The following PDGFC variants were observed in gnomAD, a reference collection of about 807,000 sequenced individuals.
PDGFC encodes the protein platelet derived growth factor C, also known as platelet-derived growth factor C.
A neutral mutation model predicts 35.5 loss-of-function variants in PDGFC; 12 were observed. The ratio of observed to expected loss-of-function variants is 0.34; its 90% CI spans 0.22 to 0.55. The LOEUF is 0.55. Ranked by LOEUF, PDGFC falls within the 20% of genes least tolerant of loss-of-function variation. PDGFC has a pLI of 0.91. For missense variants in PDGFC, 322 were observed against 412.4 expected (o/e 0.78, Z 1.90); for synonymous variants, 159 against 148.8 (o/e 1.07, Z -0.50).
chr4:156,800,440 T>C (rs1731569911), intron 3 of PDGFC, among the ~76,000 whole-genome samples: 1 of 152,128 alleles, frequency 6.6e-6, no homozygotes, highest in African/African-American at 2.4e-5. Context: ...ATTAAGTAAA[T>C]AAAAATACAA....
chr4:156,886,361 C>T (rs1730375847), intron 1 of PDGFC, among the ~76,000 whole-genome samples: 1 of 152,054 alleles, frequency 6.6e-6, no homozygotes. Context: ...CTACTTCATC[C>T]CAAAAGATTT....
At chr4:156,840,981 A>C (rs906404575) in intron 2 of PDGFC, among the ~76,000 whole-genome samples, 2 of 152,102 alleles carry the variant, frequency 1.3e-5, no homozygotes, top group Non-Finnish European at 2.9e-5. Context: ...GGAAGTAACT[A>C]ACTTGCTTTT....
intron 4 of PDGFC, among the ~76,000 whole-genome samples, chr4:156,771,022 T>C (rs1189986216): frequency 2.6e-5 from 4 of 152,198 alleles, no homozygotes; most frequent in Admixed American, 2.0e-4. Flanking sequence ...ACTTGTATTT[T>C]AGTTTATGTA....
intron 2 of PDGFC, among the ~76,000 whole-genome samples, chr4:156,831,727 C>T (rs1383324274): frequency 1.3e-5 from 2 of 151,812 alleles, no homozygotes; most frequent in Non-Finnish European, 2.9e-5. Flanking sequence ...CAGGTGTGAG[C>T]TACCACACCC....
At chr4:156,923,613 T>C (rs918135936) in intron 1 of PDGFC, among the ~76,000 whole-genome samples, 1 of 152,212 alleles carries the variant, frequency 6.6e-6, no homozygotes, top group Non-Finnish European at 1.5e-5. Flanking sequence ...AAAGCAAATA[T>C]TCTTTTTCTA....
intron 1 of PDGFC, among the ~76,000 whole-genome samples, chr4:156,897,916 TG>T (rs1188260172): frequency 6.6e-6 from 1 of 152,236 alleles, no homozygotes; most frequent in Admixed American, 6.5e-5. Context: ...GCTGTCCGTC[TG>T]CATGAGATGG....
At chr4:156,922,975 A>G (rs1212775186) in intron 1 of PDGFC, among the ~76,000 whole-genome samples, 1 of 152,022 alleles carries the variant, frequency 6.6e-6, no homozygotes, top group Admixed American at 6.6e-5. Context: ...TTCCAAATTG[A>G]CCCTTTACTC....
intron 1 of PDGFC, among the ~76,000 whole-genome samples, chr4:156,928,121 G>T (rs1012327085): frequency 1.3e-5 from 2 of 152,252 alleles, no homozygotes; most frequent in African/African-American, 2.4e-5. Context: ...CCGCCCCCAT[G>T]ATTTAAATTA....
intron 3 of PDGFC, among the ~76,000 whole-genome samples, chr4:156,806,011 C>T (rs1731746024): frequency 6.6e-6 from 1 of 152,044 alleles, no homozygotes; most frequent in South Asian, 2.1e-4. Context: ...GAAAAACACA[C>T]AGTGGGGGTT....
intron 1 of PDGFC, among the ~76,000 whole-genome samples, chr4:156,935,672 T>C (rs892213607): frequency 1.3e-5 from 2 of 152,142 alleles, no homozygotes; most frequent in Admixed American, 1.3e-4. Context: ...GAAACACACA[T>C]AAAATAAGGT....
chr4:156,790,071 G>T (rs1731252720), intron 3 of PDGFC, among the ~76,000 whole-genome samples: 1 of 151,684 alleles, frequency 6.6e-6, no homozygotes, highest in African/African-American at 2.4e-5. Context: ...CTGGGCACAG[G>T]CCCTGGATTC....
intron 1 of PDGFC, among the ~76,000 whole-genome samples, chr4:156,963,699 C>A (rs2110978028): frequency 6.6e-6 from 1 of 152,174 alleles, no homozygotes; most frequent in South Asian, 2.1e-4. Context: ...CACATGAATT[C>A]TAACGAGAAA....
At chr4:156,894,027 G>A (rs2111201712) in intron 1 of PDGFC, among the ~76,000 whole-genome samples, 1 of 152,168 alleles carries the variant, frequency 6.6e-6, no homozygotes, top group Non-Finnish European at 1.5e-5. Flanking sequence ...CATCTTCCAA[G>A]GTGACTGATA....
intron 4 of PDGFC, among the ~76,000 whole-genome samples, chr4:156,771,545 G>C (rs1445276101): frequency 6.6e-6 from 1 of 152,104 alleles, no homozygotes; most frequent in Non-Finnish European, 1.5e-5. Flanking sequence ...CCAGGCACTT[G>C]AACACTGATT....
At chr4:156,859,034 C>T (rs749848850) in intron 1 of PDGFC, among the ~76,000 whole-genome samples, 36 of 151,818 alleles carry the variant, frequency 2.4e-4, no homozygotes, top group Non-Finnish European at 4.1e-4. Context: ...AAAGTAACAA[C>T]AAAAAGATAA....
chr4:156,937,912 A>G (rs975426435), intron 1 of PDGFC, among the ~76,000 whole-genome samples: 1 of 152,166 alleles, frequency 6.6e-6, no homozygotes, highest in African/African-American at 2.4e-5. Context: ...TAATGAAGAA[A>G]TTACAGAGAA....
chr4:156,829,776 C>A (rs1182664808), intron 2 of PDGFC, among the ~76,000 whole-genome samples: 3 of 151,990 alleles, frequency 2.0e-5, no homozygotes, highest in Admixed American at 2.0e-4. Context: ...ATTATTATCT[C>A]GTGAGTTATA....
chr4:156,825,377 C>T (rs981673333), intron 2 of PDGFC, among the ~76,000 whole-genome samples: 4 of 133,214 alleles, frequency 3.0e-5, no homozygotes, highest in Non-Finnish European at 6.2e-5. Context: ...GGTGAAACCC[C>T]GTTTCTACCA....
At chr4:156,905,254 C>T (rs1371093115) in intron 1 of PDGFC, among the ~76,000 whole-genome samples, 2 of 152,024 alleles carry the variant, frequency 1.3e-5, no homozygotes, top group Non-Finnish European at 2.9e-5. Flanking sequence ...AATCTGAGAG[C>T]ACCTACTGAA....
Sources: gnomAD v4.1 joint callset for allele counts (sites outside exome capture counted in the v4.1 genomes callset) on GRCh38, gnomAD v4.1.1 for gene constraint, MANE v1.5 for transcripts, NCBI Gene and HGNC (gene_info 2026-07-23, HGNC 2026-07-21) for gene names.